COL7A1: variants seen among roughly 807,000 people sequenced by gnomAD.
COL7A1 encodes the protein collagen type VII alpha 1 chain, also known as collagen alpha-1(VII) chain.
Under a neutral mutation model 456.2 loss-of-function variants are expected in COL7A1, and 296 were observed. The observed-to-expected ratio is 0.65, with a 90% CI of 0.59 to 0.71. COL7A1 has a LOEUF of 0.71. Among genes scored for constraint, COL7A1 ranks in the 30% least tolerant of loss-of-function variants. The probability of loss-of-function intolerance (pLI) is 0.00; values close to 1 mark genes in which losing one functional copy is unlikely to be tolerated. For missense variants in COL7A1, 3,441 were observed against 4,017.2 expected, an observed-to-expected ratio of 0.86 and a Z score of 3.88; for synonymous variants, 1,464 against 1,525.9, an observed-to-expected ratio of 0.96 and a Z score of 0.95.
chr3:48,587,741 T>C lies in COL7A1; in HGVS notation c.2857+52A>G. 2 of 1,612,908 alleles carry C rather than the reference T, an allele frequency of 1.2e-6. No homozygotes were observed. The highest frequency in any genetic ancestry group is 3.3e-4 in the Middle Eastern group (2 of 6,054). On this transcript the variant is annotated intron_variant, in intron 22 of 118. Coordinates refer to ENST00000681320, the MANE Select transcript of COL7A1 (RefSeq NM_000094.4). This position sits in a 1 kb window ranked among gnomAD's most constrained non-coding sequence, Gnocchi z 6.1. The stretch of plus-strand genomic sequence containing the variant: ...TCACTCAGAGTCGGGGTGCAGGAAG[T>C]CAGGGTGGGTCATCAGCAGGGGAGG...
Position 48,570,384 on chromosome 3 carries a change from C to A in COL7A1, c.7381-50G>T. 6.2e-7 allele frequency: 1 copy of A among 1,613,852 alleles called. No individual in the cohort carries two copies. The highest frequency in any genetic ancestry group is 2.2e-5 in the East Asian group (1 of 44,860). On this transcript the variant is annotated intron_variant, in intron 97 of 118. Transcript: ENST00000681320. The surrounding 1 kb of genome is among the most constrained non-coding windows in gnomAD (Gnocchi z 5.5). Reference sequence around the variant, plus strand: ...ATCAGTGAGGGGAATCAGTGGGGGACGCAGGGTCATGGGAGGTCAGTGGAG... The same window carrying A: ...ATCAGTGAGGGGAATCAGTGGGGGAAGCAGGGTCATGGGAGGTCAGTGGAG...
At position 48,567,783 on chromosome 3, in the gene COL7A1, G is replaced by C; in HGVS notation, c.7930-20C>G. The C allele has an allele frequency of 6.2e-7, 1 of 1,614,146 alleles. No homozygotes were observed. On this transcript the variant is annotated intron_variant, in intron 107 of 118. Transcript: ENST00000681320. This position sits in a 1 kb window ranked among gnomAD's most constrained non-coding sequence, Gnocchi z 4.3. ...TTCTCCCTGCAGGCATCAGGCAGTGGGGTGAGCCTTAGGCCCCAGGCCACG... is the reference window on the plus strand; with the variant it reads ...TTCTCCCTGCAGGCATCAGGCAGTGCGGTGAGCCTTAGGCCCCAGGCCACG...
chr3:48,589,750 G>A (rs764898053), intron 16 of COL7A1, 32 bp from the exon 17 acceptor site: 7 of 1,613,786 alleles, frequency 4.3e-6, no homozygotes, highest in Non-Finnish European at 3.4e-6. Flanking sequence ...GAGTCTGCTG[G>A]AACAGGCAGG....
chr3:48,592,798 G>T lies in COL7A1; in HGVS notation c.823C>A (p.Pro275Thr). The T allele has an allele frequency of 6.2e-7, 1 of 1,613,748 alleles. No individual in the cohort carries two copies. Among genetic ancestry groups the T allele is most frequent in the Non-Finnish European group, 8.5e-7 (1 of 1,180,040 alleles). ...QYTPLTGLGQ[P>T]LPSERQEVNV... ...ACCTCCTGCCGCTCACTCGGCAGTGGCTGTCCCAGCCCCGTCAGAGGAGTG... is the reference window on the plus strand; with the variant it reads ...ACCTCCTGCCGCTCACTCGGCAGTGTCTGTCCCAGCCCCGTCAGAGGAGTG... Residue 275 changes from proline to threonine, a missense_variant, in exon 7 of 119, where the codon CCA becomes ACA. Physicochemically the swap from Pro to Thr is conservative, Grantham distance 38 (BLOSUM62 -1). Around this residue, in one of 3 missense-constraint regions of COL7A1, gnomAD observed 913 missense variants for 1,088.2 expected, o/e 0.84. Transcript: ENST00000681320. This position sits in a 1 kb window ranked among gnomAD's most constrained non-coding sequence, Gnocchi z 7.6.
At position 48,594,995 on chromosome 3, in the gene COL7A1, G is replaced by C. The variant is rs985259144; in HGVS notation, c.85+80C>G. 2.2e-5 allele frequency: 26 copies of C among 1,157,144 alleles called. No homozygotes were observed. Among genetic ancestry groups the C allele is most frequent in the Non-Finnish European group, 2.9e-5 (23 of 803,326 alleles). The allele number at this position is 1,157,144 out of a possible 1,614,324, so 71.7% of individuals were successfully genotyped here. ...GAGTTGGCTGGGTTGTGGGCGGGGG[G>C]TGTTGGGGATGAAGGCCGAGTGGAG... On this transcript the variant is annotated intron_variant, in intron 2 of 118. Coordinates refer to ENST00000681320, the MANE Select transcript of COL7A1 (RefSeq NM_000094.4). This position sits in a 1 kb window ranked among gnomAD's most constrained non-coding sequence, Gnocchi z 5.5.
chr3:48,567,501 CCCATGACCCGA>C lies in COL7A1; in HGVS notation c.8046+62_8046+72del, dbSNP rs2043659547. ...CTACAGCCTTCCTTGTCCCTACACCCCCATGACCCGACCATGAGCTTCCCTGCCCCATCCTG... is the reference window on the plus strand; with the variant it reads ...CTACAGCCTTCCTTGTCCCTACACCCCCATGAGCTTCCCTGCCCCATCCTG... On this transcript the variant is annotated intron_variant, in intron 109 of 118. Transcript: ENST00000681320. The surrounding 1 kb of genome is among the most constrained non-coding windows in gnomAD (Gnocchi z 4.3). 115 of 1,599,604 alleles carry C rather than the reference CCCATGACCCGA, an allele frequency of 7.2e-5. 4 individuals are homozygous for C. The South Asian group carries it at 1.2e-3, about 17-fold the overall frequency.
At position 48,573,357 on chromosome 3, in the gene COL7A1, A is replaced by G. The variant is rs774418743; in HGVS notation, c.6619-9T>C. The G allele has an allele frequency of 1.9e-6, 3 of 1,614,000 alleles. No individual in the cohort carries two copies. The South Asian group carries it at 3.3e-5, about 18-fold the overall frequency. On this transcript the variant is annotated splice_polypyrimidine_tract_variant and intron_variant, in intron 83 of 118. Coordinates refer to ENST00000681320, the MANE Select transcript of COL7A1 (RefSeq NM_000094.4). The surrounding 1 kb of genome is among the most constrained non-coding windows in gnomAD (Gnocchi z 5.5). ...GTCTCTCCAGGCTCCCCCTGCAAAC[A>G]ACCCAGAGACTGCATGAGCAGAGCC...
rs1188394128 is a variant in COL7A1, at chr3:48,580,688, AATATTTTG to A, written c.4981-44_4981-37del. On this transcript the variant is annotated intron_variant, in intron 54 of 118. Transcript: ENST00000681320. The surrounding 1 kb of genome is among the most constrained non-coding windows in gnomAD (Gnocchi z 4.5). ...CAGCTGGCCTGAGACAGACCCTCCC[AATATTTTG>A]CAGGTGCCCCTATGACCCGCTACAC... 1 of 1,611,404 alleles carries A rather than the reference AATATTTTG, an allele frequency of 6.2e-7. No homozygotes were observed. The highest frequency in any genetic ancestry group is 8.5e-7 in the Non-Finnish European group (1 of 1,178,116).
intron 44 of COL7A1, 57 bp from the exon 45 acceptor site, chr3:48,582,710 G>T: frequency 6.3e-7 from 1 of 1,584,168 alleles, no homozygotes; most frequent in Non-Finnish European, 8.6e-7. Context: ...GATATGGACA[G>T]ACAGGGCTAG....
intron 44 of COL7A1, 101 bp downstream of exon 44, chr3:48,582,912 G>A: frequency 2.6e-6 from 4 of 1,539,338 alleles, no homozygotes; most frequent in East Asian, 2.2e-5. Context: ...TCATTGAGGA[G>A]GGGTGAGGAG....
Position 48,572,843 on chromosome 3 carries a change from C to A in COL7A1, c.6831+19G>T. 2 of 1,613,754 alleles carry A rather than the reference C, an allele frequency of 1.2e-6. No individual in the cohort carries two copies. The highest frequency in any genetic ancestry group is 1.7e-6 in the Non-Finnish European group (2 of 1,179,726). Reference sequence around the variant, plus strand: ...CAGCTGGGCACCACACCCTAGCGAGCTGCCCCCAGAACACATACTGGCACA... The same window carrying A: ...CAGCTGGGCACCACACCCTAGCGAGATGCCCCCAGAACACATACTGGCACA... On this transcript the variant is annotated intron_variant, in intron 87 of 118. Transcript: ENST00000681320. The surrounding 1 kb of genome is among the most constrained non-coding windows in gnomAD (Gnocchi z 4.6).
Position 48,592,775 on chromosome 3 carries a change from C to G in COL7A1, c.846G>C (p.Glu282Asp). 1.2e-6 allele frequency: 2 copies of G among 1,613,656 alleles called. No individual in the cohort carries two copies. The highest frequency in any genetic ancestry group is 1.7e-6 in the Non-Finnish European group (2 of 1,180,050). Residue 282 changes from glutamate to aspartate, a missense_variant and splice_region_variant, in exon 7 of 119, where the codon GAG (glutamate) becomes GAC (aspartate). By Grantham distance (45) the Glu-to-Asp change is conservative. Transcript: ENST00000681320. The surrounding 1 kb of genome is among the most constrained non-coding windows in gnomAD (Gnocchi z 7.6). ...LGQPLPSERQ[E>D]VNVPAGETSV... ...CCACCTATCACTCCTGACATCCTACCTCCTGCCGCTCACTCGGCAGTGGCT... is the reference window on the plus strand; with the variant it reads ...CCACCTATCACTCCTGACATCCTACGTCCTGCCGCTCACTCGGCAGTGGCT...
rs1285959723 is a variant in COL7A1 at position 48,574,805 on chromosome 3, C to G, written c.6340G>C (p.Gly2114Arg). Residue 2114 changes from glycine (G) to arginine (R), a missense_variant, in exon 77 of 119, where the codon GGT (glycine) becomes CGT (arginine). Coordinates refer to ENST00000681320, the MANE Select transcript of COL7A1 (RefSeq NM_000094.4). This position sits in a 1 kb window ranked among gnomAD's most constrained non-coding sequence, Gnocchi z 5.0. Reference protein sequence around the residue: ...SGEQGPPGLKGAKGEPGSNGD... With the variant: ...SGEQGPPGLKRAKGEPGSNGD... ...TGATTCCACACACTGACCTTAGCAC[C>G]CTTGAGTCCAGGGGGTCCCTGTTCT... 5 of 1,614,008 alleles carry G rather than the reference C, an allele frequency of 3.1e-6. No homozygotes were observed. Among genetic ancestry groups the G allele is most frequent in the Non-Finnish European group, 3.4e-6 (4 of 1,180,030 alleles).
chr3:48,572,305 G>A lies in COL7A1; in HGVS notation c.6978+75C>T. On this transcript the variant is annotated intron_variant, in intron 90 of 118. Transcript: ENST00000681320. This position sits in a 1 kb window ranked among gnomAD's most constrained non-coding sequence, Gnocchi z 4.6. ...GGGTCATGAGGGTGGGTAAACTATGGGTCGAAGGTCAGAAGTTAGGCCACT... is the reference window on the plus strand; with the variant it reads ...GGGTCATGAGGGTGGGTAAACTATGAGTCGAAGGTCAGAAGTTAGGCCACT... 7 of 1,613,030 alleles carry A rather than the reference G, an allele frequency of 4.3e-6. No individual in the cohort carries two copies. Among genetic ancestry groups the A allele is most frequent in the Non-Finnish European group, 5.9e-6 (7 of 1,179,014 alleles).
intron 47 of COL7A1, 30 bp downstream of exon 47, chr3:48,582,293 T>A: frequency 6.2e-7 from 1 of 1,613,886 alleles, no homozygotes; most frequent in Non-Finnish European, 8.5e-7. Context: ...GGCTGTGCTG[T>A]GCTCAGAGCG....
rs557521948 is a variant in COL7A1, at chr3:48,587,549, G to T, written c.2863C>A (p.Pro955Thr). 6.2e-7 allele frequency: 1 copy of T among 1,613,584 alleles called. No homozygotes were observed. Among genetic ancestry groups the T allele is most frequent in the African/African-American group, 1.3e-5 (1 of 75,062 alleles). ...SAEVTARTES[P>T]RVPSIELRVV... is the part of the protein sequence containing the mutation. ...CGTAGTTCAATGCTTGGAACACGAG[G>T]TGACTCTGAAGGAGGAATGAAAGAT... The change falls in exon 23 of 119, where the codon CCT becomes ACT. Residue 955 changes from proline (P) to threonine (T), a missense_variant. Transcript: ENST00000681320. This position sits in a 1 kb window ranked among gnomAD's most constrained non-coding sequence, Gnocchi z 6.1.
At position 48,589,570 on chromosome 3, in the gene COL7A1, C is replaced by T. The variant is rs781492923; in HGVS notation, c.2170+29G>A. On this transcript the variant is annotated intron_variant, in intron 17 of 118. Coordinates refer to ENST00000681320, the MANE Select transcript of COL7A1 (RefSeq NM_000094.4). ...ACCCCCAGCCCCCATTCCACCCTGA[C>T]CTGCCCCCTCCCAAACCCCAGTCCC... is the stretch of plus-strand genomic sequence containing the variant. The T allele has an allele frequency of 4.7e-5, 75 of 1,612,296 alleles. 1 individual carries two copies. In the South Asian group the frequency reaches 4.8e-4, roughly 10 times the overall value.
At chr3:48,576,199 C>G (rs771171141) in intron 71 of COL7A1, 50 bp downstream of exon 71, 1 of 1,611,678 alleles carries the variant, frequency 6.2e-7, no homozygotes, top group Non-Finnish European at 8.5e-7. Flanking sequence ...CAAGGTGGCC[C>G]CAATGGGCAT....
rs2046002715 is a variant in COL7A1 at position 48,595,252 on chromosome 3, C to T, written c.-2+16G>A. On this transcript the variant is annotated intron_variant, in intron 1 of 118. Transcript: ENST00000681320. ...GTCCGAGCCCAGCGCCCCTCCAGCC[C>T]GAGTCCTGGTCTTGCCTGCGCGTCC... 1 of 1,072,936 alleles carries T rather than the reference C, an allele frequency of 9.3e-7. No homozygotes were observed. Among genetic ancestry groups the T allele is most frequent in the Admixed American group, 2.0e-5 (1 of 50,226 alleles). The allele number at this position is 1,072,936 out of a possible 1,614,324, so 66.5% of individuals were successfully genotyped here. A position where few individuals can be genotyped will look rare whatever the true frequency, so the allele number is the denominator to read the frequency against.
Sources: allele counts gnomAD v4.1 joint callset, GRCh38; gene constraint gnomAD v4.1.1; regional missense constraint gnomAD v4.1.1; non-coding constraint Gnocchi (gnomAD v3.1); transcripts MANE v1.5; gene names NCBI Gene and HGNC (gene_info 2026-07-23, HGNC 2026-07-21).